The following TENM3 variants were observed in gnomAD, a reference collection of about 807,000 sequenced individuals.
The protein encoded by TENM3 is teneurin transmembrane protein 3.
A neutral mutation model predicts 255.1 loss-of-function variants in TENM3; 63 were observed. The observed-to-expected ratio is 0.25, with a 90% CI of 0.20 to 0.30. The LOEUF is 0.30. TENM3 is among the 10% of genes least tolerant of loss of function. The probability of loss-of-function intolerance (pLI) is 1.00; values close to 1 mark genes in which losing one functional copy is unlikely to be tolerated. For missense variants in TENM3, 2,929 were observed against 3,461.1 expected (o/e 0.85, Z 3.86); for synonymous variants, 1,306 against 1,322.3 (o/e 0.99, Z 0.27).
intron 19 of TENM3, among the ~76,000 whole-genome samples, chr4:182,747,682 G>C (rs1214203926): frequency 6.6e-6 from 1 of 152,144 alleles, no homozygotes; most frequent in African/African-American, 2.4e-5. Context: ...TCAACTTTGT[G>C]AATTTTATAT....
At chr4:182,338,593 C>G (rs1335560360) in intron 2 of TENM3, among the ~76,000 whole-genome samples, 2 of 152,014 alleles carry the variant, frequency 1.3e-5, no homozygotes, top group East Asian at 3.8e-4. Flanking sequence ...AATCATATTT[C>G]TTAAATATAT....
the TENM3 span, among the ~76,000 whole-genome samples, chr4:181,779,296 T>C: frequency 6.6e-6 from 1 of 151,664 alleles, no homozygotes; most frequent in Admixed American, 6.6e-5. Context: ...TATTTATTTT[T>C]CCTTTTGCTA....
At chr4:182,147,803 T>A (rs1211898135) in intron 1 of TENM3, among the ~76,000 whole-genome samples, 1 of 152,190 alleles carries the variant, frequency 6.6e-6, no homozygotes, top group Non-Finnish European at 1.5e-5. Flanking sequence ...GTGTTCATAG[T>A]TGCCTTGTAA....
chr4:182,593,026 T>C (rs1746827822), intron 3 of TENM3, among the ~76,000 whole-genome samples: 1 of 152,236 alleles, frequency 6.6e-6, no homozygotes, highest in Admixed American at 6.5e-5. Flanking sequence ...CTTTGAGCAT[T>C]AGAAGAAATA....
chr4:181,484,350 A>C, the TENM3 span, among the ~76,000 whole-genome samples: 1 of 152,122 alleles, frequency 6.6e-6, no homozygotes, highest in Non-Finnish European at 1.5e-5. Flanking sequence ...TTGCCAAAAC[A>C]ATATCCTATA....
At chr4:182,690,145 C>A (rs905147506) in intron 12 of TENM3, among the ~76,000 whole-genome samples, 1 of 152,180 alleles carries the variant, frequency 6.6e-6, no homozygotes, top group African/African-American at 2.4e-5. Context: ...TCCTGCAGAT[C>A]AGGCCCACTG....
At chr4:182,242,408 A>G (rs1470112395), upstream of TENM3, among the ~76,000 whole-genome samples, 1 of 151,818 alleles carries the variant, frequency 6.6e-6, no homozygotes, top group Non-Finnish European at 1.5e-5. Flanking sequence ...TTATGACTGC[A>G]TAGTATTCCA....
the TENM3 span, among the ~76,000 whole-genome samples, chr4:182,038,842 T>C: frequency 6.6e-6 from 1 of 152,266 alleles, no homozygotes; most frequent in African/African-American, 2.4e-5. Context: ...CAAGTGATTC[T>C]CCTGCCTCAG....
the TENM3 span, among the ~76,000 whole-genome samples, chr4:182,033,629 G>T: frequency 6.6e-6 from 1 of 152,160 alleles, no homozygotes; most frequent in African/African-American, 2.4e-5. Context: ...AATATTGACA[G>T]TGGGGTGCTA....
chr4:182,079,014 G>GTGA, the TENM3 span, among the ~76,000 whole-genome samples: 1 of 152,198 alleles, frequency 6.6e-6, no homozygotes, highest in Admixed American at 6.5e-5. Flanking sequence ...ATTTCCATTA[G>GTGA]TGATAATTAG....
At chr4:182,657,868 GCTGCCT>G (rs1354756061) in intron 6 of TENM3, among the ~76,000 whole-genome samples, 1 of 152,114 alleles carries the variant, frequency 6.6e-6, no homozygotes, top group Non-Finnish European at 1.5e-5. Context: ...TGTTGCCCAG[GCTGCCT>G]TGAACTCCTG....
chr4:181,857,551 C>CAAAAAAAAAAAAAA, the TENM3 span, among the ~76,000 whole-genome samples: 6 of 104,794 alleles, frequency 5.7e-5, no homozygotes, highest in Non-Finnish European at 9.2e-5. Flanking sequence ...CCTGTCTCTA[C>CAAAAAAAAAAAAAA]AAAAAAAAAA....
chr4:181,932,841 A>G, the TENM3 span, among the ~76,000 whole-genome samples: 1 of 152,266 alleles, frequency 6.6e-6, no homozygotes, highest in Admixed American at 6.5e-5. Flanking sequence ...GCCATAAAAA[A>G]GAATGAGATC....
At chr4:181,876,853 GCAAGGTCATAT>G in the TENM3 span, among the ~76,000 whole-genome samples, 1 of 152,084 alleles carries the variant, frequency 6.6e-6, no homozygotes, top group East Asian at 1.9e-4. Flanking sequence ...TCCTTGATTT[GCAAGGTCATAT>G]ATTTTAGGTC....
intron 3 of TENM3, among the ~76,000 whole-genome samples, chr4:182,389,712 G>T (rs1415348031): frequency 3.3e-5 from 2 of 60,290 alleles, no homozygotes; most frequent in Non-Finnish European, 7.2e-5. Context: ...TTGAGACGGA[G>T]TCTCGCTCTG....
the TENM3 span, among the ~76,000 whole-genome samples, chr4:182,100,600 C>CATATATACACACATATATACACACAT: frequency 3.4e-3 from 75 of 22,146 alleles, 8 homozygotes; most frequent in East Asian, 0.016. Context: ...CATATATACA[C>CATATATACACACATATATACACACAT]ATATATACAC....
Position 182,371,458 on chromosome 4 carries a change from A to G in TENM3, c.511+24529A>G, listed in dbSNP as rs548505958. ...ATCTGTTCTGTGACCCTTTTCTTCA[A>G]TCTGACCTAAGCCTCACCATGATGT... On this transcript the variant is annotated intron_variant, in intron 3 of 27. Coordinates refer to ENST00000511685, the MANE Select transcript of TENM3 (RefSeq NM_001080477.4). Among the ~76,000 whole-genome samples the G allele has an allele frequency of 5.3e-4, 81 of 152,214 alleles. 1 individual carries two copies. Among genetic ancestry groups the G allele is most frequent in the African/African-American group, 1.9e-3 (79 of 41,528 alleles).
intron 5 of TENM3, among the ~76,000 whole-genome samples, chr4:182,632,105 A>G (rs1291154286): frequency 6.6e-6 from 1 of 152,220 alleles, no homozygotes; most frequent in African/African-American, 2.4e-5. Flanking sequence ...TCCCATGTAC[A>G]TATACAGCTA....
chr4:181,495,551 A>G, the TENM3 span, among the ~76,000 whole-genome samples: 1 of 44,516 alleles, frequency 2.2e-5, no homozygotes. Context: ...AACATTTAGT[A>G]TACACGAGAG....
Sources: gnomAD v4.1 joint callset for allele counts (sites outside exome capture counted in the v4.1 genomes callset) on GRCh38, gnomAD v4.1.1 for gene constraint, MANE v1.5 for transcripts, NCBI Gene and HGNC (gene_info 2026-07-23, HGNC 2026-07-21) for gene names.